The following RORA variants were observed in gnomAD, a reference collection of about 807,000 sequenced individuals.
RORA encodes the protein RAR related orphan receptor A.
Under a neutral mutation model 69.5 loss-of-function variants are expected in RORA, and 7 were observed. The ratio of observed to expected loss-of-function variants is 0.10; its 90% confidence interval spans 0.06 to 0.19. The LOEUF (loss-of-function observed/expected upper bound fraction) is 0.19, where lower values mean the gene tolerates loss of function less well. Among genes scored for constraint, RORA ranks in the 10% least tolerant of loss-of-function variants. The pLI is 1.00. For missense variants in RORA, 457 were observed against 663.0 expected, an observed-to-expected ratio of 0.69 and a Z score of 3.41; for synonymous variants, 261 against 240.8, an observed-to-expected ratio of 1.08 and a Z score of -0.78.
At chr15:60,987,976 G>T in intron 1 of RORA, among the ~76,000 whole-genome samples, 1 of 152,168 alleles carries the variant, frequency 6.6e-6, no homozygotes, top group Admixed American at 6.5e-5. Context: ...CACTCATATC[G>T]CTGGTCTAAT....
At chr15:60,858,977 C>T (rs1438209248) in intron 1 of RORA, among the ~76,000 whole-genome samples, 2 of 138,680 alleles carry the variant, frequency 1.4e-5, no homozygotes, top group African/African-American at 2.7e-5. Context: ...TCATAGGCTT[C>T]ATCTTTTTTT....
intron 2 of RORA, among the ~76,000 whole-genome samples, chr15:60,620,813 C>T (rs1015767073): frequency 2.6e-5 from 4 of 152,226 alleles, no homozygotes; most frequent in Non-Finnish European, 4.4e-5. Flanking sequence ...GGCACCCTGG[C>T]GCTGATGGCT....
intron 3 of RORA, chr15:60,528,491 T>C (rs907240389): frequency 2.3e-4 from 35 of 152,234 alleles, no homozygotes; most frequent in Admixed American, 4.6e-4. Context: ...GAGGGAAAGA[T>C]GTGGTCTTCT....
At chr15:61,123,629 C>A (rs1008569381) in intron 1 of RORA, among the ~76,000 whole-genome samples, 14 of 152,184 alleles carry the variant, frequency 9.2e-5, no homozygotes, top group Non-Finnish European at 1.3e-4. Flanking sequence ...GCTCCACAGC[C>A]CTTTGGAGAT....
chr15:61,057,420 T>C (rs556041150), intron 1 of RORA, among the ~76,000 whole-genome samples: 1 of 152,362 alleles, frequency 6.6e-6, no homozygotes, highest in South Asian at 2.1e-4. Flanking sequence ...TTTCTGGGAA[T>C]GATCATGTTT....
At chr15:60,558,275 G>A (rs199911448) in intron 2 of RORA, 3 of 1,612,360 alleles carry the variant, frequency 1.9e-6, no homozygotes, top group African/African-American at 2.7e-5. Context: ...ATACACTGAT[G>A]GAGTATTTGG....
At position 61,147,766 on chromosome 15, in the gene RORA, CGTGTGT is replaced by C. The variant is rs10523030; in HGVS notation, c.166+81281_166+81286del. Among the ~76,000 whole-genome samples the C allele has an allele frequency of 1.7e-4, 25 of 147,700 alleles. No homozygotes were observed. The highest frequency in any genetic ancestry group is 1.0e-3 in the East Asian group (5 of 4,850). ...TGGTCAGTAGGCACGTGCGCACACG[CGTGTGT>C]GTGTGTGTGTGTGTGTGTGTGTGAA... On this transcript the variant is annotated intron_variant, in intron 1 of 10. Coordinates refer to ENST00000335670, the MANE Select transcript of RORA (RefSeq NM_134261.3). This position sits in a 1 kb window ranked among gnomAD's most constrained non-coding sequence, Gnocchi z 4.1.
chr15:60,739,803 T>G (rs1398884883), intron 1 of RORA, among the ~76,000 whole-genome samples: 2 of 152,120 alleles, frequency 1.3e-5, no homozygotes, highest in African/African-American at 4.8e-5. Flanking sequence ...CACTAGGTAT[T>G]GAGGAAGGAA....
At chr15:61,166,255 G>C (rs935473807) in intron 1 of RORA, among the ~76,000 whole-genome samples, 11 of 152,102 alleles carry the variant, frequency 7.2e-5, no homozygotes, top group Non-Finnish European at 1.5e-4. Context: ...CAGTATTCAC[G>C]ATCTATTAAA....
At chr15:60,527,785 C>T (rs563768956) in intron 3 of RORA, among the ~76,000 whole-genome samples, 1 of 152,344 alleles carries the variant, frequency 6.6e-6, no homozygotes, top group East Asian at 1.9e-4. Flanking sequence ...CTACCCTCAT[C>T]TTCCACTAGC....
intron 1 of RORA, among the ~76,000 whole-genome samples, chr15:61,105,046 T>C (rs1830838151): frequency 7.0e-6 from 1 of 142,794 alleles, no homozygotes. Flanking sequence ...AAACCTCTTT[T>C]TCTTTATAAA....
chr15:60,499,983 T>C lies in RORA; in HGVS notation c.1316A>G (p.Lys439Arg). The C allele has an allele frequency of 6.2e-7, 1 of 1,611,556 alleles. No homozygotes were observed. Residue 439 changes from lysine to arginine, a missense_variant, in exon 10 of 11, where the codon AAG (lysine) becomes AGG (arginine). Lys to Arg is a conservative substitution (Grantham distance 26, BLOSUM62 2). This residue lies in a region of RORA where 304 missense variants were observed against 447.4 expected (regional missense o/e 0.68). Coordinates refer to ENST00000335670, the MANE Select transcript of RORA (RefSeq NM_134261.3). ...CTGTTGCAGTTTTTCAATTTTTACCTTTTCTTGCAGCCATGAGCGATCTAA... is the reference window on the plus strand; with the variant it reads ...CTGTTGCAGTTTTTCAATTTTTACCCTTTCTTGCAGCCATGAGCGATCTAA... Reference protein sequence around the residue: ...MSADRSWLQEKVKIEKLQQKI... With the variant: ...MSADRSWLQERVKIEKLQQKI...
At chr15:60,749,554 T>C (rs1170809085) in intron 1 of RORA, among the ~76,000 whole-genome samples, 2 of 152,194 alleles carry the variant, frequency 1.3e-5, no homozygotes, top group Non-Finnish European at 2.9e-5. Context: ...ATTAATGGAC[T>C]AAACTTTGTG....
chr15:61,108,496 T>C (rs1332480798), intron 1 of RORA, among the ~76,000 whole-genome samples: 1 of 152,212 alleles, frequency 6.6e-6, no homozygotes, highest in Non-Finnish European at 1.5e-5. Flanking sequence ...TGTTGACATA[T>C]TATCTATGGC....
intron 1 of RORA, among the ~76,000 whole-genome samples, chr15:61,215,298 C>T (rs1027944505): frequency 5.3e-5 from 8 of 152,010 alleles, no homozygotes; most frequent in African/African-American, 1.5e-4. Context: ...TAGAAATGTG[C>T]CTCTATCTTT....
At chr15:60,572,056 A>C (rs937518386) in intron 2 of RORA, among the ~76,000 whole-genome samples, 6 of 152,230 alleles carry the variant, frequency 3.9e-5, no homozygotes, top group African/African-American at 1.4e-4. Flanking sequence ...CCTGATATCT[A>C]AATTCCATGC....
chr15:61,197,278 C>T (rs1247979810), intron 1 of RORA, among the ~76,000 whole-genome samples: 1 of 152,218 alleles, frequency 6.6e-6, no homozygotes, highest in African/African-American at 2.4e-5. Flanking sequence ...CACTGAAACC[C>T]AGAATCAGGG....
chr15:60,780,575 TC>T, intron 1 of RORA, among the ~76,000 whole-genome samples: 1 of 152,378 alleles, frequency 6.6e-6, no homozygotes, highest in Admixed American at 6.5e-5. Context: ...ACTCTTTCAT[TC>T]TTTTTTTCAT....
At chr15:60,967,570 A>T (rs904649490) in intron 1 of RORA, among the ~76,000 whole-genome samples, 1 of 152,214 alleles carries the variant, frequency 6.6e-6, no homozygotes, top group Admixed American at 6.5e-5. Flanking sequence ...AAACTTGTTC[A>T]TGGTCCCCCT....
Sources: allele counts gnomAD v4.1 joint callset (sites outside exome capture counted in the v4.1 genomes callset), GRCh38; gene constraint gnomAD v4.1.1; regional missense constraint gnomAD v4.1.1; non-coding constraint Gnocchi (gnomAD v3.1); transcripts MANE v1.5; gene names NCBI Gene and HGNC (gene_info 2026-07-23, HGNC 2026-07-21).